The following SAMD3 variants were observed in gnomAD, a reference collection of about 807,000 sequenced individuals.
SAMD3 encodes sterile alpha motif domain containing 3, also known as sterile alpha motif domain-containing protein 3.
In SAMD3, 63 loss-of-function variants were observed where a neutral mutation model predicts 58.5. The observed-to-expected ratio is 1.08, with a 90% CI of 0.88 to 1.33. The LOEUF is 1.33. SAMD3 is among the 40% of genes most tolerant of loss of function. SAMD3 has a pLI of 0.00. For missense variants in SAMD3, 604 were observed against 608.4 expected (o/e 0.99, Z 0.08); for synonymous variants, 220 against 210.3 (o/e 1.05, Z -0.40).
At chr6:130,234,288 T>C (rs1043592232) in intron 2 of SAMD3, among the ~76,000 whole-genome samples, 1 of 152,144 alleles carries the variant, frequency 6.6e-6, no homozygotes, top group Non-Finnish European at 1.5e-5. Context: ...GGTGTTTCAC[T>C]CTTGTTGCCC....
intron 2 of SAMD3, among the ~76,000 whole-genome samples, chr6:130,288,773 A>G (rs1775261042): frequency 6.6e-6 from 1 of 152,176 alleles, no homozygotes; most frequent in Non-Finnish European, 1.5e-5. Flanking sequence ...TGAGTGGGAG[A>G]GTAGTTGCCA....
At chr6:130,199,990 C>A (rs913292431) in intron 5 of SAMD3, among the ~76,000 whole-genome samples, 1 of 152,084 alleles carries the variant, frequency 6.6e-6, no homozygotes, top group South Asian at 2.1e-4. Flanking sequence ...CATCAGGCAC[C>A]ATGTCTTGGC....
chr6:130,184,160 G>A lies in SAMD3; in HGVS notation c.597C>T (p.Asp199=), dbSNP rs768298745. The A allele has an allele frequency of 7.4e-6, 12 of 1,613,752 alleles. No homozygotes were observed. The South Asian group carries it at 7.7e-5, about 10-fold the overall frequency. ...SLYPSTQQYN[D]VVNALLQAHP... ...GGGCCTGCAGCAGGGCATTAACCAC[G>A]TCATTGTACTGCTGGGTGCTGGGGT... The change falls in exon 7 of 12, where the codon GAC becomes GAT. Residue 199 remains aspartate, a synonymous_variant. Transcript: ENST00000439090.
intron 1 of SAMD3, among the ~76,000 whole-genome samples, chr6:130,354,352 C>G (rs1410498385): frequency 6.6e-6 from 1 of 152,096 alleles, no homozygotes; most frequent in African/African-American, 2.4e-5. Flanking sequence ...GTAAATTGTT[C>G]TATCATAAAG....
intron 9 of SAMD3, among the ~76,000 whole-genome samples, chr6:130,153,671 T>A (rs1789448944): frequency 6.9e-6 from 1 of 144,556 alleles, no homozygotes; most frequent in Non-Finnish European, 1.5e-5. Context: ...TATATTTATT[T>A]ATTTATTTAT....
intron 2 of SAMD3, among the ~76,000 whole-genome samples, chr6:130,272,420 A>C (rs1774598006): frequency 6.6e-6 from 1 of 152,094 alleles, no homozygotes; most frequent in African/African-American, 2.4e-5. Context: ...TCTATTTATT[A>C]TTTTAAATTA....
At chr6:130,283,363 T>C (rs1009592946) in intron 2 of SAMD3, among the ~76,000 whole-genome samples, 1 of 152,156 alleles carries the variant, frequency 6.6e-6, no homozygotes, top group African/African-American at 2.4e-5. Flanking sequence ...TTTTCCAGAA[T>C]GTATGAAATA....
At chr6:130,318,315 T>C (rs1045088804) in intron 1 of SAMD3, among the ~76,000 whole-genome samples, 8 of 152,106 alleles carry the variant, frequency 5.3e-5, no homozygotes, top group African/African-American at 1.9e-4. Context: ...TCATATGCTT[T>C]CCAATGAACT....
chr6:130,242,202 A>T (rs993225653), intron 2 of SAMD3, among the ~76,000 whole-genome samples: 4 of 151,754 alleles, frequency 2.6e-5, no homozygotes, highest in African/African-American at 9.7e-5. Context: ...TAGGTTGGCA[A>T]TTTTTTTTTC....
At chr6:130,327,048 T>C (rs1776782297) in intron 1 of SAMD3, among the ~76,000 whole-genome samples, 5 of 152,238 alleles carry the variant, frequency 3.3e-5, no homozygotes. Flanking sequence ...GCATTTGTTT[T>C]AGCTTGGCAT....
chr6:130,226,807 G>A (rs1455296526), upstream of SAMD3, among the ~76,000 whole-genome samples: 2 of 151,908 alleles, frequency 1.3e-5, no homozygotes, highest in East Asian at 1.9e-4. Context: ...CAGCCTGGGC[G>A]ATAAGAGCGA....
At chr6:130,191,853 C>A (rs949306542) in intron 5 of SAMD3, among the ~76,000 whole-genome samples, 1 of 152,192 alleles carries the variant, frequency 6.6e-6, no homozygotes, top group African/African-American at 2.4e-5. Context: ...TTTTTGTACT[C>A]TCTTATTATC....
intron 1 of SAMD3, among the ~76,000 whole-genome samples, chr6:130,343,721 T>C (rs1246944072): frequency 6.6e-6 from 1 of 152,212 alleles, no homozygotes; most frequent in Admixed American, 6.5e-5. Context: ...TCCCAGCACT[T>C]TGAGAGGCTG....
At chr6:130,316,672 A>T (rs1053203829) in intron 1 of SAMD3, among the ~76,000 whole-genome samples, 1 of 152,094 alleles carries the variant, frequency 6.6e-6, no homozygotes, top group African/African-American at 2.4e-5. Flanking sequence ...TTGGGGTCAG[A>T]TTTTGGAATT....
At chr6:130,240,597 A>G (rs1203438973) in intron 2 of SAMD3, among the ~76,000 whole-genome samples, 1 of 152,220 alleles carries the variant, frequency 6.6e-6, no homozygotes, top group Non-Finnish European at 1.5e-5. Context: ...TTGGAAACGT[A>G]ATTCCCAATG....
At chr6:130,262,616 G>T (rs889946113) in intron 2 of SAMD3, among the ~76,000 whole-genome samples, 1 of 151,578 alleles carries the variant, frequency 6.6e-6, no homozygotes. Context: ...GGAAATTCAT[G>T]CAAGAAATGT....
intron 2 of SAMD3, among the ~76,000 whole-genome samples, chr6:130,299,099 T>C (rs1775662856): frequency 1.3e-5 from 2 of 152,138 alleles, no homozygotes; most frequent in African/African-American, 2.4e-5. Context: ...ATTGGACTCT[T>C]GACCAAATGG....
At chr6:130,158,050 TTAA>T (rs1789951363) in intron 8 of SAMD3, among the ~76,000 whole-genome samples, 1 of 152,144 alleles carries the variant, frequency 6.6e-6, no homozygotes, top group African/African-American at 2.4e-5. Flanking sequence ...CTATAAAATA[TTAA>T]TGAGACTTAA....
chr6:130,215,764 T>C (rs1795970502), intron 2 of SAMD3: 3 of 1,516,672 alleles, frequency 2.0e-6, no homozygotes, highest in Non-Finnish European at 1.8e-6. Flanking sequence ...AGATACTTAG[T>C]AAACTGGTTA....
Sources: gnomAD v4.1 joint callset for allele counts (sites outside exome capture counted in the v4.1 genomes callset) on GRCh38, gnomAD v4.1.1 for gene constraint, MANE v1.5 for transcripts, NCBI Gene and HGNC (gene_info 2026-07-23, HGNC 2026-07-21) for gene names.